Variants in ARHGEF18 observed in about 807,000 individuals in gnomAD.
ARHGEF18 encodes Rho/Rac guanine nucleotide exchange factor 18, also known as rho guanine nucleotide exchange factor 18.
ARHGEF18 carries 93 observed loss-of-function variants against 155.7 expected under a neutral mutation model. The ratio of observed to expected loss-of-function variants is 0.60; its 90% CI spans 0.50 to 0.71. The LOEUF is 0.71. Ranked by LOEUF, ARHGEF18 falls within the 30% of genes least tolerant of loss-of-function variation. ARHGEF18 has a pLI of 0.00. For synonymous variants in ARHGEF18, 742 were observed against 753.1 expected, an observed-to-expected ratio of 0.99 and a Z score of 0.24; for missense variants, 1,593 against 1,816.1, an observed-to-expected ratio of 0.88 and a Z score of 2.23.
intron 1 of ARHGEF18, among the ~76,000 whole-genome samples, chr19:7,351,432 T>C (rs1222758426): frequency 6.6e-6 from 1 of 151,748 alleles, no homozygotes; most frequent in African/African-American, 2.4e-5. Flanking sequence ...CACGCCATTC[T>C]CCTGCCTCAG....
At chr19:7,477,569 G>A in the ARHGEF18 span, 1 of 717,442 alleles carries the variant, frequency 1.4e-6, no homozygotes, top group Non-Finnish European at 2.1e-6. Flanking sequence ...GGACTGAGGT[G>A]GCCTCCCTGA....
chr19:7,412,741 CAA>C (rs35736055), intron 10 of ARHGEF18, among the ~76,000 whole-genome samples: 15 of 128,378 alleles, frequency 1.2e-4, no homozygotes, highest in Admixed American at 7.8e-5. Context: ...GACTCTGTCT[CAA>C]AAAAAAAAAA....
chr19:7,451,122 T>C (rs1975422813), intron 15 of ARHGEF18, 27 bp from the exon 16 acceptor site: 1 of 1,549,796 alleles, frequency 6.5e-7, no homozygotes, highest in Non-Finnish European at 8.7e-7. Flanking sequence ...GAGATGTTAA[T>C]ACAGGATCTT....
rs7253603 is a variant in ARHGEF18, at chr19:7,350,659, C to A, written c.-111+1418C>A. Among the ~76,000 whole-genome samples, 1,134 of 152,224 alleles carry A rather than the reference C, an allele frequency of 7.4e-3. 16 individuals are homozygous for A. The highest frequency in any genetic ancestry group is 0.026 in the African/African-American group (1,078 of 41,540). ...ATGGTGACTGTGTTGGACAGCTGGGCGTTCAAATCCCAGTTCCCTGGCCTC... is the reference window on the plus strand; with the variant it reads ...ATGGTGACTGTGTTGGACAGCTGGGAGTTCAAATCCCAGTTCCCTGGCCTC... On this transcript the variant is annotated intron_variant, in intron 1 of 28. Coordinates refer to ENST00000668164, the MANE Select transcript of ARHGEF18 (RefSeq NM_001367823.1).
At chr19:7,416,228 C>T (rs1972996623) in intron 10 of ARHGEF18, among the ~76,000 whole-genome samples, 1 of 134,956 alleles carries the variant, frequency 7.4e-6, no homozygotes. Context: ...ATAGCAAGAC[C>T]CTATCTCTAA....
chr19:7,460,087 G>T, intron 20 of ARHGEF18, 93 bp downstream of exon 20: 1 of 1,237,224 alleles, frequency 8.1e-7, no homozygotes, highest in Non-Finnish European at 1.1e-6. Context: ...TGCCCCCCAG[G>T]TGACCCGGTG....
rs1974604692 is a variant in ARHGEF18 at position 7,440,986 on chromosome 19, C to T, written c.1106+504C>T. On this transcript the variant is annotated intron_variant, in intron 11 of 28. Transcript: ENST00000668164. This position sits in a 1 kb window ranked among gnomAD's most constrained non-coding sequence, Gnocchi z 5.4. The stretch of plus-strand genomic sequence containing the variant: ...TTCCTCTGAGTAAGGACTGCCCTCC[C>T]ACCTTGACCATGAAACCATTTCCAC... Among the ~76,000 whole-genome samples the T allele has an allele frequency of 6.6e-6, 1 of 152,036 alleles. No homozygotes were observed. The highest frequency in any genetic ancestry group is 2.4e-5 in the African/African-American group (1 of 41,404).
intron 10 of ARHGEF18, among the ~76,000 whole-genome samples, chr19:7,412,314 C>T (rs551442442): frequency 2.8e-5 from 3 of 106,108 alleles, no homozygotes; most frequent in African/African-American, 5.8e-5. Flanking sequence ...CGCGCCCGGC[C>T]TATGCTAGGG....
At chr19:7,411,377 G>C (rs1048185273) in intron 10 of ARHGEF18, among the ~76,000 whole-genome samples, 2 of 150,662 alleles carry the variant, frequency 1.3e-5, no homozygotes, top group Admixed American at 1.3e-4. Flanking sequence ...TGTGATCTCA[G>C]CTCACTGCAA....
At position 7,386,935 on chromosome 19, in the gene ARHGEF18, T is replaced by C. The variant is rs146639035; in HGVS notation, c.967+3732T>C. On this transcript the variant is annotated intron_variant, in intron 10 of 28. Coordinates refer to ENST00000668164, the MANE Select transcript of ARHGEF18 (RefSeq NM_001367823.1). ...AGTTCCTGCCTTCCAGCTGGGGATT[T>C]GGGCGGGACAGCGTCCAGCACCTCC... 5.9e-4 allele frequency among the ~76,000 whole-genome samples: 90 copies of C among 152,160 alleles called. 4 individuals are homozygous for C. The South Asian group carries it at 8.2e-3, about 14-fold the overall frequency.
chr19:7,407,822 G>A (rs1424193313), intron 10 of ARHGEF18, among the ~76,000 whole-genome samples: 1 of 151,902 alleles, frequency 6.6e-6, no homozygotes, highest in Non-Finnish European at 1.5e-5. Context: ...AACTAGCCGG[G>A]CGTGGTGGCC....
At chr19:7,394,488 C>T (rs146330675) in intron 10 of ARHGEF18, among the ~76,000 whole-genome samples, 2 of 152,176 alleles carry the variant, frequency 1.3e-5, no homozygotes, top group East Asian at 3.9e-4. Flanking sequence ...CCACTGACAA[C>T]CCCTCCAGGC....
Position 7,406,337 on chromosome 19 carries a change from G to A in ARHGEF18, c.967+23134G>A, listed in dbSNP as rs573369162. ...TGACCTCAGGTGATCCACCCACCTC[G>A]GCCTCCCAAAGTGCTGGGATTACAA... On this transcript the variant is annotated intron_variant, in intron 10 of 28. Transcript: ENST00000668164. Among the ~76,000 whole-genome samples the A allele has an allele frequency of 3.3e-5, 5 of 152,146 alleles. No homozygotes were observed. In the South Asian group the frequency reaches 8.3e-4, roughly 25 times the overall value.
At chr19:7,407,961 CAAAAAAAAAAA>C (rs71179104) in intron 10 of ARHGEF18, among the ~76,000 whole-genome samples, 9 of 48,790 alleles carry the variant, frequency 1.8e-4, no homozygotes, top group Admixed American at 3.1e-4. Context: ...GACTCCGTCT[CAAAAAAAAAAA>C]AAAAAAAAAA....
In ARHGEF18 at chr19:7,458,569, G is replaced by A. The variant is rs1428024348; in HGVS notation, c.2239G>A (p.Glu747Lys). ...GCTCATCGTGAGGGAAGTGGCCAAC[G>A]AGGAGAAAGCGATGTTTCTGATCAG... is the stretch of plus-strand genomic sequence containing the variant. ...QKLIVREVAN[E>K]EKAMFLISAS... The change falls in exon 19 of 29, where the codon GAG (glutamate) becomes AAG (lysine). Residue 747 changes from glutamate (E) to lysine (K), a missense_variant. Coordinates refer to ENST00000668164, the MANE Select transcript of ARHGEF18 (RefSeq NM_001367823.1). 5.6e-6 allele frequency: 9 copies of A among 1,614,002 alleles called. No homozygotes were observed. Among genetic ancestry groups the A allele is most frequent in the Non-Finnish European group, 5.1e-6 (6 of 1,180,024 alleles).
chr19:7,397,774 G>C (rs2145553685), intron 10 of ARHGEF18, among the ~76,000 whole-genome samples: 1 of 151,840 alleles, frequency 6.6e-6, no homozygotes, highest in South Asian at 2.1e-4. Flanking sequence ...TCGCTATGTT[G>C]CCCAGGCTGG....
rs1322894713 is a variant in ARHGEF18, at chr19:7,467,655, G to A, written c.3451G>A (p.Gly1151Ser). The A allele has an allele frequency of 2.0e-6, 3 of 1,514,478 alleles. No homozygotes were observed. Among genetic ancestry groups the A allele is most frequent in the Admixed American group, 2.1e-5 (1 of 47,684 alleles). 93.8% of individuals were successfully genotyped at this position (1,514,478 alleles called of 1,614,324 possible). The change falls in exon 26 of 29, where the codon GGC becomes AGC. Residue 1151 changes from glycine (G) to serine (S), a missense_variant. Transcript: ENST00000668164. ...RRLKKQNTAPGALPPDTLAEA... is the reference protein window; with the variant it reads ...RRLKKQNTAPSALPPDTLAEA... ...CCTCAAGAAGCAGAACACCGCGCCAGGCGCGCTGCCGCCCGACACACTGGC... is the reference window on the plus strand; with the variant it reads ...CCTCAAGAAGCAGAACACCGCGCCAAGCGCGCTGCCGCCCGACACACTGGC...
chr19:7,446,914 A>AAT, intron 14 of ARHGEF18, 129 bp from the exon 15 acceptor site: 1 of 1,180,958 alleles, frequency 8.5e-7, no homozygotes, highest in Non-Finnish European at 1.1e-6. Flanking sequence ...AAAAAAAAGA[A>AAT]GAAGAAAGAA....
intron 2 of ARHGEF18, 105 bp from the exon 3 acceptor site, chr19:7,372,707 C>A: frequency 8.8e-7 from 1 of 1,137,362 alleles, no homozygotes; most frequent in Non-Finnish European, 1.1e-6. Context: ...AGGGGACAGG[C>A]AGGGTCTGGA....
Sources: allele counts gnomAD v4.1 joint callset (sites outside exome capture counted in the v4.1 genomes callset), GRCh38; gene constraint gnomAD v4.1.1; non-coding constraint Gnocchi (gnomAD v3.1); transcripts MANE v1.5; gene names NCBI Gene and HGNC (gene_info 2026-07-23, HGNC 2026-07-21).